COMMD10: variants seen among roughly 807,000 people sequenced by gnomAD.
The protein encoded by COMMD10 is COMM domain containing 10.
COMMD10 carries 33 observed loss-of-function variants against 28.9 expected under a neutral mutation model. The ratio of observed to expected loss-of-function variants is 1.14; its 90% CI spans 0.87 to 1.53. The LOEUF (loss-of-function observed/expected upper bound fraction) is 1.53. COMMD10 is among the 40% of genes most tolerant of loss of function. The pLI is 0.00. For missense variants in COMMD10, 310 were observed against 233.4 expected, an observed-to-expected ratio of 1.33 and a Z score of -2.14; for synonymous variants, 110 against 81.7, an observed-to-expected ratio of 1.35 and a Z score of -1.87.
intron 5 of COMMD10, among the ~76,000 whole-genome samples, chr5:116,243,360 T>G (rs1416909425): frequency 6.6e-6 from 1 of 152,090 alleles, no homozygotes; most frequent in Non-Finnish European, 1.5e-5. Flanking sequence ...TTAAACTGAA[T>G]AGGAGAGTAT....
At chr5:116,286,169 A>G (rs1007313065) in intron 5 of COMMD10, among the ~76,000 whole-genome samples, 6 of 151,564 alleles carry the variant, frequency 4.0e-5, no homozygotes, top group Non-Finnish European at 5.9e-5. Flanking sequence ...GTGGTCTTTT[A>G]TAACACTTTT....
intron 5 of COMMD10, among the ~76,000 whole-genome samples, chr5:116,189,725 A>G (rs557330692): frequency 7.7e-6 from 1 of 130,334 alleles, no homozygotes; most frequent in African/African-American, 4.0e-5. Flanking sequence ...TTTAAGAAAG[A>G]GGAAATAAGT....
chr5:116,145,552 T>C (rs922136231), intron 5 of COMMD10, among the ~76,000 whole-genome samples: 1 of 151,778 alleles, frequency 6.6e-6, no homozygotes, highest in East Asian at 1.9e-4. Context: ...TGGTAAGTGA[T>C]GAGAGGGAGA....
intron 5 of COMMD10, among the ~76,000 whole-genome samples, chr5:116,225,707 T>G (rs1749377846): frequency 6.6e-6 from 1 of 152,134 alleles, no homozygotes; most frequent in Non-Finnish European, 1.5e-5. Context: ...CCCTATACTC[T>G]GACACATCAA....
At chr5:116,250,425 A>G (rs542642156) in intron 5 of COMMD10, among the ~76,000 whole-genome samples, 1 of 151,602 alleles carries the variant, frequency 6.6e-6, no homozygotes, top group Admixed American at 6.6e-5. Context: ...GTTTACAGAG[A>G]CAAGATTTTT....
chr5:116,140,823 T>A (rs923516089), intron 5 of COMMD10, among the ~76,000 whole-genome samples: 9 of 151,982 alleles, frequency 5.9e-5, no homozygotes, highest in East Asian at 5.8e-4. Flanking sequence ...TCCTTATACA[T>A]GTTGTATATT....
At chr5:116,285,859 A>G (rs1451228992) in intron 5 of COMMD10, among the ~76,000 whole-genome samples, 1 of 151,862 alleles carries the variant, frequency 6.6e-6, no homozygotes, top group African/African-American at 2.4e-5. Flanking sequence ...CTTTGGAACC[A>G]GGATAATACT....
At chr5:116,261,217 G>T (rs963083398) in intron 5 of COMMD10, among the ~76,000 whole-genome samples, 1 of 151,706 alleles carries the variant, frequency 6.6e-6, no homozygotes, top group Admixed American at 6.6e-5. Flanking sequence ...TGGTTAAAAA[G>T]AAGTTGATTA....
At position 116,231,450 on chromosome 5, in the gene COMMD10, G is replaced by A. The variant is rs111251903; in HGVS notation, c.511-60067G>A. On this transcript the variant is annotated intron_variant, in intron 5 of 6. Coordinates refer to ENST00000274458, the MANE Select transcript of COMMD10 (RefSeq NM_016144.4). ...AGGGGTCAGTAAGAGGACTTCTGAG[G>A]ATGCAGGTAATGTATTTATTCAGCG... Among the ~76,000 whole-genome samples, 312 of 152,216 alleles carry A rather than the reference G, an allele frequency of 2.0e-3. 3 individuals carry two copies. Among genetic ancestry groups the A allele is most frequent in the African/African-American group, 7.1e-3 (294 of 41,566 alleles).
intron 4 of COMMD10, among the ~76,000 whole-genome samples, chr5:116,097,982 C>A (rs1468751506): frequency 2.0e-5 from 3 of 152,150 alleles, no homozygotes; most frequent in African/African-American, 7.2e-5. Context: ...ATTACAATTG[C>A]ACATGAGATT....
chr5:116,285,770 T>G (rs1177812912), intron 5 of COMMD10, among the ~76,000 whole-genome samples: 1 of 151,930 alleles, frequency 6.6e-6, no homozygotes, highest in African/African-American at 2.4e-5. Flanking sequence ...GACTTTAGTT[T>G]GCTAGTGTTT....
rs1752048987 is a variant in COMMD10, at chr5:116,137,194, A to AT, written c.510+3017dup. Among the ~76,000 whole-genome samples, 9 of 151,928 alleles carry AT rather than the reference A, an allele frequency of 5.9e-5. No individual in the cohort carries two copies. In the South Asian group the frequency reaches 1.9e-3, roughly 32 times the overall value. On this transcript the variant is annotated intron_variant, in intron 5 of 6. Transcript: ENST00000274458. ...CTTTGTACTCTTCATCTTATTCCTT[A>AT]TGTTAATTTTTATGTGACTCCTGTT...
At chr5:116,159,978 G>A (rs1221910711) in intron 5 of COMMD10, among the ~76,000 whole-genome samples, 1 of 152,138 alleles carries the variant, frequency 6.6e-6, no homozygotes, top group East Asian at 1.9e-4. Flanking sequence ...TGACTTTTCA[G>A]GATGGAATAG....
At chr5:116,261,710 C>T (rs894150319) in intron 5 of COMMD10, among the ~76,000 whole-genome samples, 1 of 151,634 alleles carries the variant, frequency 6.6e-6, no homozygotes, top group African/African-American at 2.4e-5. Flanking sequence ...TATCAACAAC[C>T]AGAATAACTT....
At chr5:116,102,747 A>G (rs1362194429) in intron 4 of COMMD10, among the ~76,000 whole-genome samples, 1 of 152,114 alleles carries the variant, frequency 6.6e-6, no homozygotes, top group African/African-American at 2.4e-5. Context: ...TACACGTGCC[A>G]TAGTGGTTTG....
intron 5 of COMMD10, among the ~76,000 whole-genome samples, chr5:116,265,743 T>A (rs1371564044): frequency 2.6e-5 from 4 of 151,706 alleles, no homozygotes; most frequent in African/African-American, 9.7e-5. Flanking sequence ...ATATTACAAA[T>A]GAAGCAGATG....
intron 4 of COMMD10, among the ~76,000 whole-genome samples, chr5:116,110,399 C>T (rs979395620): frequency 3.3e-5 from 5 of 152,112 alleles, no homozygotes; most frequent in African/African-American, 9.7e-5. Context: ...AGGGAGAATT[C>T]CTTTCCCCTG....
intron 5 of COMMD10, among the ~76,000 whole-genome samples, chr5:116,147,810 T>G (rs1012523080): frequency 2.6e-5 from 4 of 151,820 alleles, no homozygotes; most frequent in Admixed American, 6.6e-5. Context: ...TGTAAGAAAA[T>G]AAAATTCACC....
intron 5 of COMMD10, among the ~76,000 whole-genome samples, chr5:116,274,211 T>G (rs997311073): frequency 2.0e-5 from 3 of 151,908 alleles, no homozygotes; most frequent in South Asian, 2.1e-4. Flanking sequence ...AACTGGCAAG[T>G]CTTGTGGTAA....
Sources: gnomAD v4.1 joint callset for allele counts (sites outside exome capture counted in the v4.1 genomes callset) on GRCh38, gnomAD v4.1.1 for gene constraint, MANE v1.5 for transcripts, NCBI Gene and HGNC (gene_info 2026-07-23, HGNC 2026-07-21) for gene names.